ESYT3: variants seen among roughly 807,000 people sequenced by gnomAD.
ESYT3 encodes the protein extended synaptotagmin-3.
Under a neutral mutation model 111.5 loss-of-function variants are expected in ESYT3, and 101 were observed. The observed-to-expected ratio is 0.91, with a 90% CI of 0.77 to 1.07. ESYT3 has a LOEUF of 1.07. ESYT3 is among the 50% of genes least tolerant of loss of function. The pLI is 0.00. For synonymous variants in ESYT3, 416 were observed against 446.8 expected (o/e 0.93, Z 0.87); for missense variants, 1,097 against 1,109.4 (o/e 0.99, Z 0.16).
intron 1 of ESYT3, among the ~76,000 whole-genome samples, chr3:138,448,266 TAAAAAAAA>T (rs71146126): frequency 1.1e-4 from 5 of 44,590 alleles, no homozygotes; most frequent in South Asian, 2.2e-3. Flanking sequence ...AAACTCGATC[TAAAAAAAA>T]AAAAAAAAAA....
At chr3:138,475,578 G>A (rs562153742) in intron 20 of ESYT3, among the ~76,000 whole-genome samples, 163 of 152,274 alleles carry the variant, frequency 1.1e-3, no homozygotes, top group African/African-American at 3.8e-3. Context: ...CTGAGAAGGG[G>A]GTTGAGGTGG....
chr3:138,466,741 C>T (rs751212552), intron 10 of ESYT3, among the ~76,000 whole-genome samples: 7 of 152,038 alleles, frequency 4.6e-5, no homozygotes, highest in Admixed American at 2.0e-4. Context: ...TACCAGAGGC[C>T]AGGTAATTTA....
chr3:138,452,755 G>C (rs2108605790), intron 2 of ESYT3, among the ~76,000 whole-genome samples: 1 of 152,310 alleles, frequency 6.6e-6, no homozygotes, highest in East Asian at 1.9e-4. Context: ...GCAGTCCCCA[G>C]CTCAAATCTC....
At chr3:138,457,534 G>A (rs2032359647) in intron 3 of ESYT3, 34 bp from the exon 4 acceptor site, 1 of 1,607,554 alleles carries the variant, frequency 6.2e-7, no homozygotes, top group Admixed American at 1.7e-5. Context: ...GCTACAAGAA[G>A]CCTCTGACCT....
Position 138,464,369 on chromosome 3 carries a change from G to C in ESYT3, c.940G>C (p.Glu314Gln). 6.2e-7 allele frequency: 1 copy of C among 1,614,152 alleles called. No individual in the cohort carries two copies. The highest frequency in any genetic ancestry group is 8.5e-7 in the Non-Finnish European group (1 of 1,179,988). The change falls in exon 9 of 23, where the codon GAG becomes CAG. Residue 314 changes from glutamate to glutamine, a missense_variant. Physicochemically the swap from Glu to Gln is conservative, Grantham distance 29. Transcript: ENST00000389567. ...GGGGGTGATCAGAGTGCACTTGCTG[G>C]AGGCAGAGCAGCTGGCCCAGAAGGA... ...PCGVIRVHLL[E>Q]AEQLAQKDNF...
intron 18 of ESYT3, 142 bp from the exon 19 acceptor site, chr3:138,473,394 C>T (rs1560246351): frequency 1.3e-6 from 1 of 748,760 alleles, no homozygotes; most frequent in East Asian, 2.5e-5. Context: ...AACTGAATTC[C>T]ATCTGAAAGT....
rs2033378556 is a variant in ESYT3, at chr3:138,474,206, T to A, written c.2337-15T>A. 6.2e-7 allele frequency: 1 copy of A among 1,608,874 alleles called. No homozygotes were observed. Among genetic ancestry groups the A allele is most frequent in the African/African-American group, 1.3e-5 (1 of 74,366 alleles). On this transcript the variant is annotated splice_polypyrimidine_tract_variant and intron_variant, in intron 19 of 22. Transcript: ENST00000389567. Reference sequence around the variant, plus strand: ...CCCTTTTTTTTTTTTCCTAATGTCTTTGACACCAAATCAGAAACCTAACAC... The same window carrying A: ...CCCTTTTTTTTTTTTCCTAATGTCTATGACACCAAATCAGAAACCTAACAC...
intron 4 of ESYT3, among the ~76,000 whole-genome samples, chr3:138,458,839 G>A (rs1277668235): frequency 1.3e-5 from 2 of 152,220 alleles, no homozygotes; most frequent in Admixed American, 1.3e-4. Context: ...AGTGGGCAGC[G>A]TGTTTACCAA....
intron 4 of ESYT3, 91 bp from the exon 5 acceptor site, chr3:138,459,096 C>A: frequency 9.5e-7 from 1 of 1,051,148 alleles, no homozygotes; most frequent in Non-Finnish European, 1.4e-6. Flanking sequence ...GCCTGGGCTC[C>A]GGCTGTGTGA....
At chr3:138,456,547 G>A (rs1395728643) in intron 3 of ESYT3, among the ~76,000 whole-genome samples, 2 of 152,184 alleles carry the variant, frequency 1.3e-5, no homozygotes, top group Admixed American at 6.5e-5. Context: ...CCCAACTCTC[G>A]GTACCAGGCT....
Position 138,440,094 on chromosome 3 carries a change from A to G in ESYT3, c.327+4969A>G, listed in dbSNP as rs1051770009. Among the ~76,000 whole-genome samples, 1 of 152,016 alleles carries G rather than the reference A, an allele frequency of 6.6e-6. No individual in the cohort carries two copies. The highest frequency in any genetic ancestry group is 1.5e-5 in the Non-Finnish European group (1 of 67,994). ...ATAGCTGTAGGGTCTGCCATCATTAACCAGTCCCGAGCCTGCTTTTCTCTG... is the reference window on the plus strand; with the variant it reads ...ATAGCTGTAGGGTCTGCCATCATTAGCCAGTCCCGAGCCTGCTTTTCTCTG... On this transcript the variant is annotated intron_variant, in intron 1 of 22. Transcript: ENST00000389567. The surrounding 1 kb of genome is among the most constrained non-coding windows in gnomAD (Gnocchi z 4.2).
chr3:138,472,485 A>C lies in ESYT3; in HGVS notation c.1863A>C (p.Glu621Asp). ...AGGGTCCCAAAGCCCAACCTCAGGA[A>C]GAAGGCCCTACAGATTTGCCATGTC... ...TNQGPKAQPQ[E>D]EGPTDLPCPP... is the part of the protein sequence containing the mutation. The change falls in exon 18 of 23, where the codon GAA becomes GAC. Residue 621 changes from glutamate (E) to aspartate (D), a missense_variant. Glu to Asp is a conservative substitution (Grantham distance 45, BLOSUM62 2). Transcript: ENST00000389567. The C allele has an allele frequency of 6.2e-7, 1 of 1,614,240 alleles. No homozygotes were observed. Among genetic ancestry groups the C allele is most frequent in the Non-Finnish European group, 8.5e-7 (1 of 1,180,032 alleles).
rs112136477 is a variant in ESYT3 at position 138,444,786 on chromosome 3, T to A, written c.328-7262T>A. ...CCTCCCCTTGCTCTTTGTGGAAGAA[T>A]TCCCTTTATAAAGGAGTTGAGGTCT... On this transcript the variant is annotated intron_variant, in intron 1 of 22. Transcript: ENST00000389567. 2.0e-3 allele frequency among the ~76,000 whole-genome samples: 305 copies of A among 152,332 alleles called. 2 individuals are homozygous for A. The highest frequency in any genetic ancestry group is 7.1e-3 in the African/African-American group (295 of 41,568).
At chr3:138,443,821 C>T (rs2108595054) in intron 1 of ESYT3, among the ~76,000 whole-genome samples, 1 of 152,114 alleles carries the variant, frequency 6.6e-6, no homozygotes, top group Admixed American at 6.5e-5. Flanking sequence ...CATCGAATGA[C>T]AGGGAGGCCC....
At chr3:138,448,792 G>A (rs1224938667) in intron 1 of ESYT3, among the ~76,000 whole-genome samples, 1 of 152,210 alleles carries the variant, frequency 6.6e-6, no homozygotes, top group Non-Finnish European at 1.5e-5. Context: ...TTACTCAGGG[G>A]CAGTCACAAG....
At chr3:138,460,400 G>T (rs2032558456) in intron 6 of ESYT3, among the ~76,000 whole-genome samples, 1 of 152,150 alleles carries the variant, frequency 6.6e-6, no homozygotes, top group South Asian at 2.1e-4. Context: ...TGAGGCCTGG[G>T]CCCTCGATAC....
At chr3:138,479,974 C>A (rs1379417493), downstream of ESYT3, 1 of 152,130 alleles carries the variant, frequency 6.6e-6, no homozygotes, top group East Asian at 1.9e-4. Flanking sequence ...TGGTTTCTGT[C>A]TCCTAAGTAT....
chr3:138,443,641 CTG>C (rs1362625136), intron 1 of ESYT3, among the ~76,000 whole-genome samples: 23 of 152,234 alleles, frequency 1.5e-4, no homozygotes, highest in Non-Finnish European at 4.4e-5. Context: ...TTTTAGGAAA[CTG>C]TGTGTGTCTT....
At chr3:138,452,147 C>CGACGA (rs2031981738) in intron 2 of ESYT3, 58 bp downstream of exon 2, 3 of 1,552,888 alleles carry the variant, frequency 1.9e-6, no homozygotes, top group Middle Eastern at 3.4e-4. Context: ...GTCCTCCCCG[C>CGACGA]GGCTGTCACC....
Sources: allele counts gnomAD v4.1 joint callset (sites outside exome capture counted in the v4.1 genomes callset), GRCh38; gene constraint gnomAD v4.1.1; non-coding constraint Gnocchi (gnomAD v3.1); transcripts MANE v1.5; gene names NCBI Gene and HGNC (gene_info 2026-07-23, HGNC 2026-07-21).